The following TEAD1 variants were observed in gnomAD, a reference collection of about 807,000 sequenced individuals.
The protein encoded by TEAD1 is TEA domain transcription factor 1.
TEAD1 carries 9 observed loss-of-function variants against 54.9 expected under a neutral mutation model. The observed-to-expected ratio is 0.16, with a 90% CI of 0.10 to 0.29. The LOEUF is 0.29. TEAD1 is among the 10% of genes least tolerant of loss of function. The pLI is 1.00. For synonymous variants in TEAD1, 200 were observed against 187.8 expected (o/e 1.07, Z -0.53); for missense variants, 387 against 535.9 (o/e 0.72, Z 2.74).
At chr11:12,906,032 G>A (rs1221963741) in intron 10 of TEAD1, among the ~76,000 whole-genome samples, 1 of 152,146 alleles carries the variant, frequency 6.6e-6, no homozygotes, top group Non-Finnish European at 1.5e-5. Flanking sequence ...TAGGGTGGAA[G>A]ATTCTACTGG....
intron 2 of TEAD1, among the ~76,000 whole-genome samples, chr11:12,712,318 G>A (rs78105834): frequency 3.9e-4 from 60 of 152,240 alleles, no homozygotes; most frequent in African/African-American, 1.3e-3. Flanking sequence ...TCTGACTATG[G>A]CCTCTGGAAT....
At chr11:12,737,721 A>G (rs1944565905) in intron 2 of TEAD1, among the ~76,000 whole-genome samples, 1 of 152,180 alleles carries the variant, frequency 6.6e-6, no homozygotes, top group Non-Finnish European at 1.5e-5. Context: ...AAGAGGAAAC[A>G]TTTTGCTCAG....
At chr11:12,912,483 A>AG (rs202088304) in intron 10 of TEAD1, among the ~76,000 whole-genome samples, 1,557 of 138,530 alleles carry the variant, frequency 0.011, 17 homozygotes, top group Non-Finnish European at 0.013. Flanking sequence ...GTGGATACTC[A>AG]TGTACAGACA....
intron 3 of TEAD1, among the ~76,000 whole-genome samples, chr11:12,787,957 T>G (rs957224439): frequency 2.8e-5 from 4 of 142,850 alleles, no homozygotes; most frequent in Non-Finnish European, 6.1e-5. Context: ...TGTATAAATC[T>G]TTCACTTTTT....
intron 3 of TEAD1, among the ~76,000 whole-genome samples, chr11:12,795,055 A>AT (rs1945886128): frequency 6.6e-6 from 1 of 152,160 alleles, no homozygotes; most frequent in Non-Finnish European, 1.5e-5. Context: ...ACAGGCATTT[A>AT]TTTTCTCACA....
At chr11:12,864,637 G>GTTTTGTT (rs1767460155) in intron 4 of TEAD1, 1 of 1,273,252 alleles carries the variant, frequency 7.9e-7, no homozygotes, top group Non-Finnish European at 1.0e-6. Flanking sequence ...GTTTTGTTTT[G>GTTTTGTT]TTTTGTTTTG....
At chr11:12,885,402 A>AT (rs979536221) in intron 9 of TEAD1, among the ~76,000 whole-genome samples, 31 of 151,370 alleles carry the variant, frequency 2.0e-4, no homozygotes, top group Non-Finnish European at 3.7e-4. Context: ...CGCCTGGCTA[A>AT]TTTTTTTTGT....
In TEAD1 at chr11:12,933,099, A is replaced by G. The variant is rs189378604; in HGVS notation, c.1167+2773A>G. Reference sequence around the variant, plus strand: ...AGTACACTCTATGCTGTTGGTTCGCATGACAAAACCACCTGATTACACATT... The same window carrying G: ...AGTACACTCTATGCTGTTGGTTCGCGTGACAAAACCACCTGATTACACATT... On this transcript the variant is annotated intron_variant, in intron 12 of 12. Coordinates refer to ENST00000527636, the MANE Select transcript of TEAD1 (RefSeq NM_021961.6). 2.5e-4 allele frequency among the ~76,000 whole-genome samples: 38 copies of G among 152,310 alleles called. No homozygotes were observed. In the East Asian group the frequency reaches 6.2e-3, roughly 25 times the overall value.
chr11:12,843,231 C>A (rs777472104), intron 3 of TEAD1, among the ~76,000 whole-genome samples: 1 of 152,072 alleles, frequency 6.6e-6, no homozygotes, highest in African/African-American at 2.4e-5. Context: ...ACAAGGAGTC[C>A]GAGCCCAGCT....
At chr11:12,718,761 T>C (rs954115053) in intron 2 of TEAD1, among the ~76,000 whole-genome samples, 10 of 152,204 alleles carry the variant, frequency 6.6e-5, no homozygotes, top group Non-Finnish European at 1.5e-4. Flanking sequence ...AGTCTAGTTG[T>C]ATTCAGATGG....
chr11:12,785,825 A>G (rs1210857043), intron 3 of TEAD1, among the ~76,000 whole-genome samples: 1 of 152,250 alleles, frequency 6.6e-6, no homozygotes, highest in African/African-American at 2.4e-5. Flanking sequence ...ATGACTATTC[A>G]GAACCTAGAT....
At chr11:12,867,381 A>G (rs999215135) in intron 5 of TEAD1, among the ~76,000 whole-genome samples, 1 of 152,042 alleles carries the variant, frequency 6.6e-6, no homozygotes, top group African/African-American at 2.4e-5. Context: ...CGTGGACTTA[A>G]TTTGGGTTGG....
At chr11:12,681,867 A>G (rs967632537) in intron 2 of TEAD1, among the ~76,000 whole-genome samples, 3 of 152,214 alleles carry the variant, frequency 2.0e-5, no homozygotes, top group Admixed American at 1.3e-4. Flanking sequence ...ATCCATTTAC[A>G]TGGCTAACTC....
intron 10 of TEAD1, among the ~76,000 whole-genome samples, chr11:12,920,303 A>G (rs184456411): frequency 2.6e-5 from 4 of 152,232 alleles, no homozygotes; most frequent in Non-Finnish European, 5.9e-5. Flanking sequence ...TTTTACTAAC[A>G]TCATGATGAA....
At chr11:12,885,899 G>A (rs1948077509) in intron 9 of TEAD1, among the ~76,000 whole-genome samples, 1 of 152,202 alleles carries the variant, frequency 6.6e-6, no homozygotes, top group South Asian at 2.1e-4. Flanking sequence ...CAGGAGAGGG[G>A]CTCATCGCTG....
chr11:12,713,140 C>T (rs1234282695), intron 2 of TEAD1, among the ~76,000 whole-genome samples: 4 of 152,176 alleles, frequency 2.6e-5, no homozygotes, highest in South Asian at 4.1e-4. Context: ...CAACCTCAGC[C>T]TCCCAAGTAG....
At chr11:12,852,595 G>A (rs1429398455) in intron 3 of TEAD1, among the ~76,000 whole-genome samples, 2 of 151,956 alleles carry the variant, frequency 1.3e-5, no homozygotes, top group African/African-American at 4.8e-5. Context: ...TTACAGGTGT[G>A]TGCCACCACG....
At chr11:12,935,386 A>AC (rs1272493823) in intron 12 of TEAD1, among the ~76,000 whole-genome samples, 2 of 152,218 alleles carry the variant, frequency 1.3e-5, no homozygotes, top group African/African-American at 4.8e-5. Flanking sequence ...GTAGATGGAT[A>AC]GTAAACACTC....
chr11:12,728,134 T>A (rs575859353), intron 2 of TEAD1, among the ~76,000 whole-genome samples: 53 of 152,122 alleles, frequency 3.5e-4, no homozygotes, highest in Non-Finnish European at 6.6e-4. Context: ...CTGAGGACTG[T>A]GGGAGACCTG....
Sources: gnomAD v4.1 joint callset for allele counts (sites outside exome capture counted in the v4.1 genomes callset) on GRCh38, gnomAD v4.1.1 for gene constraint, MANE v1.5 for transcripts, NCBI Gene and HGNC (gene_info 2026-07-23, HGNC 2026-07-21) for gene names.